The following GARRE1 variants were observed in gnomAD, a reference collection of about 807,000 sequenced individuals.
GARRE1 encodes granule associated Rac and RHOG effector protein 1.
A neutral mutation model predicts 103.2 loss-of-function variants in GARRE1; 49 were observed. That is an observed-to-expected ratio of 0.47 (90% confidence interval 0.38 to 0.60). The LOEUF (loss-of-function observed/expected upper bound fraction) is 0.60. Among genes scored for constraint, GARRE1 ranks in the 20% least tolerant of loss-of-function variants. The pLI, the probability that GARRE1 is intolerant of heterozygous loss-of-function variation, is 0.00. For synonymous variants in GARRE1, 505 were observed against 532.8 expected (o/e 0.95, Z 0.72); for missense variants, 1,199 against 1,370.5 (o/e 0.87, Z 1.98).
At chr19:34,256,391 G>T (rs542561904) in intron 1 of GARRE1, among the ~76,000 whole-genome samples, 1 of 151,642 alleles carries the variant, frequency 6.6e-6, no homozygotes, top group Non-Finnish European at 1.5e-5. Flanking sequence ...ATGGTGGCGC[G>T]CTCCTGTAGT....
At chr19:34,285,547 C>T (rs148910159) in intron 1 of GARRE1, among the ~76,000 whole-genome samples, 2,203 of 152,122 alleles carry the variant, frequency 0.014, 24 homozygotes, top group South Asian at 0.023. Flanking sequence ...TGCCTGAACC[C>T]AGGAGGTAGA....
chr19:34,305,942 T>G (rs909141981), intron 2 of GARRE1, among the ~76,000 whole-genome samples: 1 of 152,188 alleles, frequency 6.6e-6, no homozygotes, highest in African/African-American at 2.4e-5. Context: ...TATTCTGAGT[T>G]TCAAACAGCT....
intron 1 of GARRE1, among the ~76,000 whole-genome samples, chr19:34,299,107 T>G (rs1397196006): frequency 6.6e-6 from 1 of 152,238 alleles, no homozygotes; most frequent in African/African-American, 2.4e-5. Context: ...GGTATCCGAC[T>G]GTCCCGTCCT....
chr19:34,327,884 A>G lies in GARRE1; in HGVS notation c.942+18A>G, dbSNP rs755516681. On this transcript the variant is annotated intron_variant, in intron 5 of 13. Transcript: ENST00000299505. ...GTTTGCAGGTACACTTTTCCTTCCT[A>G]AAGCTCTGGGGACCTATGGCGCTGC... 3 of 1,613,866 alleles carry G rather than the reference A, an allele frequency of 1.9e-6. No individual in the cohort carries two copies. The East Asian group carries it at 6.7e-5, about 36-fold the overall frequency.
chr19:34,263,289 T>TAGAG (rs1055398634), intron 1 of GARRE1, among the ~76,000 whole-genome samples: 3 of 151,824 alleles, frequency 2.0e-5, no homozygotes, highest in Admixed American at 6.6e-5. Context: ...GATAGATAGA[T>TAGAG]AGATAGATAG....
chr19:34,300,490 C>T lies in GARRE1; in HGVS notation c.17C>T (p.Ala6Val), dbSNP rs867083071. MYCCS[A>V]QDSKMDYKRR... The stretch of plus-strand genomic sequence containing the variant: ...CCCTCCCGCATGTATTGCTGCAGTG[C>T]CCAGGACAGTAAAATGGACTACAAG... Residue 6 changes from alanine to valine, a missense_variant, in exon 2 of 14, where the codon GCC (alanine) becomes GTC (valine). Physicochemically the swap from Ala to Val is moderately conservative, Grantham distance 64 (BLOSUM62 0). Coordinates refer to ENST00000299505, the MANE Select transcript of GARRE1 (RefSeq NM_014686.5). The T allele has an allele frequency of 6.2e-7, 1 of 1,601,118 alleles. No individual in the cohort carries two copies. Among genetic ancestry groups the T allele is most frequent in the Admixed American group, 1.7e-5 (1 of 59,316 alleles).
chr19:34,345,419 C>G (rs1568312570), intron 10 of GARRE1, among the ~76,000 whole-genome samples: 1 of 152,270 alleles, frequency 6.6e-6, no homozygotes, highest in African/African-American at 2.4e-5. Flanking sequence ...GGCTGCCACC[C>G]ACTGGTGTGG....
chr19:34,294,294 C>G (rs989149032), intron 1 of GARRE1, among the ~76,000 whole-genome samples: 1 of 151,402 alleles, frequency 6.6e-6, no homozygotes, highest in Middle Eastern at 3.4e-3. Context: ...CATGGTGGTG[C>G]ATGCCTGAGG....
Position 34,352,893 on chromosome 19 carries a change from A to C in GARRE1, c.3151A>C (p.Lys1051Gln), listed in dbSNP as rs2074247243. 7.0e-7 allele frequency: 1 copy of C among 1,421,382 alleles called. No individual in the cohort carries two copies. Among genetic ancestry groups the C allele is most frequent in the Non-Finnish European group, 9.5e-7 (1 of 1,052,414 alleles). 88.0% of individuals were successfully genotyped at this position (1,421,382 alleles called of 1,614,324 possible). Residue 1051 changes from lysine to glutamine, a missense_variant, in exon 14 of 14, where the codon AAG becomes CAG. Coordinates refer to ENST00000299505, the MANE Select transcript of GARRE1 (RefSeq NM_014686.5). The part of the protein sequence containing the change: ...PPPPAHKAAP[K>Q]GFKAFPGKGE... Reference sequence around the variant, plus strand: ...CCCACCAGCACACAAGGCAGCACCCAAGGGCTTCAAGGCCTTCCCTGGGAA... The same window carrying C: ...CCCACCAGCACACAAGGCAGCACCCCAGGGCTTCAAGGCCTTCCCTGGGAA...
chr19:34,273,072 C>T (rs541236483), intron 1 of GARRE1, among the ~76,000 whole-genome samples: 2 of 152,220 alleles, frequency 1.3e-5, no homozygotes, highest in African/African-American at 2.4e-5. Flanking sequence ...GTGTGTGACG[C>T]ACACCTGTAC....
intron 10 of GARRE1, among the ~76,000 whole-genome samples, chr19:34,346,690 C>G (rs753589626): frequency 6.6e-6 from 1 of 152,214 alleles, no homozygotes; most frequent in Non-Finnish European, 1.5e-5. Flanking sequence ...GATCTTGGCT[C>G]CCTGCAACCT....
chr19:34,300,347 A>G lies in GARRE1; in HGVS notation c.-127A>G. 1.8e-6 allele frequency: 2 copies of G among 1,082,408 alleles called. No homozygotes were observed. Among genetic ancestry groups the G allele is most frequent in the Non-Finnish European group, 2.6e-6 (2 of 761,488 alleles). The allele number at this position is 1,082,408 out of a possible 1,614,324, so 67.1% of individuals were successfully genotyped here. A position where few individuals can be genotyped will look rare whatever the true frequency, so the allele number is the denominator to read the frequency against. On this transcript the variant is annotated 5_prime_UTR_variant, in exon 2 of 14. An upstream start codon of the reference 5' UTR is lost. Coordinates refer to ENST00000299505, the MANE Select transcript of GARRE1 (RefSeq NM_014686.5). ...ATTGGATCACATGGTCACCTGCCTC[A>G]TGGAAATGCCTTTTTTAAAACTTCG... is the stretch of plus-strand genomic sequence containing the variant.
rs375300349 is a variant in GARRE1, at chr19:34,320,195, A to G, written c.705+79A>G. On this transcript the variant is annotated intron_variant, in intron 3 of 13. Coordinates refer to ENST00000299505, the MANE Select transcript of GARRE1 (RefSeq NM_014686.5). ...GAGGGCCTTTGCCTGTTGATTCTCA[A>G]AACAGCCATTTCATTTAGAAATGTA... 7.8e-5 allele frequency: 91 copies of G among 1,168,226 alleles called. No individual in the cohort carries two copies. The African/African-American group carries it at 1.2e-3, about 16-fold the overall frequency. The allele number at this position is 1,168,226 out of a possible 1,614,324, so 72.4% of individuals were successfully genotyped here. A position where few individuals can be genotyped will look rare whatever the true frequency, so the allele number is the denominator to read the frequency against.
intron 1 of GARRE1, among the ~76,000 whole-genome samples, chr19:34,299,415 T>C (rs917662700): frequency 1.3e-5 from 2 of 152,192 alleles, no homozygotes; most frequent in African/African-American, 4.8e-5. Context: ...ATCCAGGCCC[T>C]GTTCAACGTG....
chr19:34,350,608 G>A (rs1599785499), intron 12 of GARRE1, among the ~76,000 whole-genome samples: 1 of 152,128 alleles, frequency 6.6e-6, no homozygotes, highest in East Asian at 1.9e-4. Context: ...TTGAGACGGA[G>A]TCTCGCTCTG....
At chr19:34,284,806 T>G (rs961860829) in intron 1 of GARRE1, among the ~76,000 whole-genome samples, 4 of 152,226 alleles carry the variant, frequency 2.6e-5, no homozygotes, top group Non-Finnish European at 4.4e-5. Flanking sequence ...TTTGAACATA[T>G]TTTAGCCTGA....
intron 7 of GARRE1, among the ~76,000 whole-genome samples, chr19:34,331,159 A>G (rs2074136127): frequency 6.6e-6 from 1 of 151,876 alleles, no homozygotes; most frequent in African/African-American, 2.4e-5. Context: ...TAGGCATCCC[A>G]AAGTGCTGGA....
intron 1 of GARRE1, among the ~76,000 whole-genome samples, chr19:34,273,678 T>G (rs2073800922): frequency 6.6e-6 from 1 of 152,062 alleles, no homozygotes. Context: ...GAGTTAATGT[T>G]AAGGTGGGGC....
intron 6 of GARRE1, among the ~76,000 whole-genome samples, chr19:34,328,972 GA>G (rs1308212624): frequency 6.6e-6 from 1 of 152,154 alleles, no homozygotes; most frequent in Admixed American, 6.5e-5. Context: ...TACACTATAA[GA>G]TATTGTTTAT....
Sources: gnomAD v4.1 joint callset for allele counts (sites outside exome capture counted in the v4.1 genomes callset) on GRCh38, gnomAD v4.1.1 for gene constraint, MANE v1.5 for transcripts, NCBI Gene and HGNC (gene_info 2026-07-23, HGNC 2026-07-21) for gene names.